The following PTPRO variants were observed in gnomAD, a reference collection of about 807,000 sequenced individuals.
PTPRO encodes receptor-type tyrosine-protein phosphatase O.
In PTPRO, 62 loss-of-function variants were observed where a neutral mutation model predicts 145.2. That is an observed-to-expected ratio of 0.43 (90% CI 0.35 to 0.53). The LOEUF (loss-of-function observed/expected upper bound fraction) is 0.53. Ranked by LOEUF, PTPRO falls within the 20% of genes least tolerant of loss-of-function variation. The probability of loss-of-function intolerance (pLI) is 0.01; values close to 1 mark genes in which losing one functional copy is unlikely to be tolerated. For synonymous variants in PTPRO, 565 were observed against 514.7 expected (o/e 1.10, Z -1.32); for missense variants, 1,345 against 1,482.7 (o/e 0.91, Z 1.53).
intron 1 of PTPRO, among the ~76,000 whole-genome samples, chr12:15,430,121 A>G (rs765006560): frequency 6.6e-6 from 1 of 152,100 alleles, no homozygotes; most frequent in Non-Finnish European, 1.5e-5. Flanking sequence ...ACACCGAGAA[A>G]ATAGCAAGCC....
intron 1 of PTPRO, among the ~76,000 whole-genome samples, chr12:15,390,120 T>A (rs1042545882): frequency 6.6e-6 from 1 of 152,160 alleles, no homozygotes; most frequent in Non-Finnish European, 1.5e-5. Context: ...GGGAGCCTTA[T>A]GAAATAAGTT....
chr12:15,581,624 C>A, intron 22 of PTPRO, 55 bp from the exon 23 acceptor site: 2 of 1,593,936 alleles, frequency 1.3e-6, no homozygotes, highest in Non-Finnish European at 1.7e-6. Context: ...AGTGAGCACA[C>A]TTAATTCCTT....
chr12:15,509,000 C>G (rs1942379638), intron 7 of PTPRO, among the ~76,000 whole-genome samples: 1 of 152,138 alleles, frequency 6.6e-6, no homozygotes, highest in Non-Finnish European at 1.5e-5. Flanking sequence ...ATTCATTATT[C>G]AAGGGAATTT....
At chr12:15,466,595 AGT>A (rs1360908235) in intron 1 of PTPRO, among the ~76,000 whole-genome samples, 3 of 152,218 alleles carry the variant, frequency 2.0e-5, no homozygotes, top group Non-Finnish European at 4.4e-5. Context: ...TTAAGCACAT[AGT>A]GTGTGTAACA....
intron 1 of PTPRO, among the ~76,000 whole-genome samples, chr12:15,402,452 GT>G (rs1939523696): frequency 6.6e-6 from 1 of 151,578 alleles, no homozygotes; most frequent in Non-Finnish European, 1.5e-5. Context: ...TGTAAAATCT[GT>G]TTGCTTCTGC....
intron 1 of PTPRO, among the ~76,000 whole-genome samples, chr12:15,435,005 C>A (rs1451540991): frequency 1.3e-5 from 2 of 152,178 alleles, no homozygotes; most frequent in African/African-American, 4.8e-5. Flanking sequence ...AACTCCTACC[C>A]TTCTCCTCTC....
intron 1 of PTPRO, among the ~76,000 whole-genome samples, chr12:15,412,217 C>A (rs1164126431): frequency 6.6e-6 from 1 of 152,226 alleles, no homozygotes; most frequent in Non-Finnish European, 1.5e-5. Flanking sequence ...GGCTACTCCT[C>A]CTTTTGAAAA....
At position 15,560,181 on chromosome 12, in the gene PTPRO, T is replaced by G. The variant is rs754782378; in HGVS notation, c.2628-12T>G. On this transcript the variant is annotated splice_polypyrimidine_tract_variant and intron_variant, in intron 16 of 26. Coordinates refer to ENST00000281171, the MANE Select transcript of PTPRO (RefSeq NM_030667.3). ...TTTCATCTTTCCATCTGTTGTCTAT[T>G]AATGCACACAGGCGTAGGAGTATAT... The G allele has an allele frequency of 1.0e-5, 16 of 1,554,684 alleles. No homozygotes were observed. The highest frequency in any genetic ancestry group is 1.2e-5 in the Non-Finnish European group (14 of 1,126,458).
chr12:15,581,990 C>T (rs901179685), intron 23 of PTPRO, among the ~76,000 whole-genome samples, 189 bp downstream of exon 23: 2 of 152,082 alleles, frequency 1.3e-5, no homozygotes, highest in Admixed American at 6.5e-5. Context: ...GAGATTTACC[C>T]ACATATTTAT....
rs1172566476 is a variant in PTPRO, at chr12:15,513,208, A to G, written c.1465-2290A>G. 1.8e-5 allele frequency among the ~76,000 whole-genome samples: 2 copies of G among 112,048 alleles called. 1 individual carries two copies. The highest frequency in any genetic ancestry group is 9.2e-5 in the African/African-American group (2 of 21,636). The allele number at this position is 112,048 out of a possible 152,430, so 73.5% of individuals were successfully genotyped here. On this transcript the variant is annotated intron_variant, in intron 7 of 26. Transcript: ENST00000281171. ...AAGAAAGAAAGAAAGAAAGAAAGAA[A>G]GAAAGAAAGAAAGAAAGAAAAGAAA... is the stretch of plus-strand genomic sequence containing the variant.
At chr12:15,462,958 T>A (rs1164021178) in intron 1 of PTPRO, among the ~76,000 whole-genome samples, 1 of 152,146 alleles carries the variant, frequency 6.6e-6, no homozygotes, top group Non-Finnish European at 1.5e-5. Context: ...CTTATTCCAA[T>A]GAAACAAAGA....
At chr12:15,332,143 T>C (rs1866631381) in intron 1 of PTPRO, among the ~76,000 whole-genome samples, 1 of 152,072 alleles carries the variant, frequency 6.6e-6, no homozygotes, top group Non-Finnish European at 1.5e-5. Flanking sequence ...TTTTTTGTAT[T>C]TTTAGTAGAG....
At chr12:15,584,573 A>G (rs1399565947) in intron 23 of PTPRO, among the ~76,000 whole-genome samples, 1 of 152,200 alleles carries the variant, frequency 6.6e-6, no homozygotes, top group African/African-American at 2.4e-5. Context: ...GGAATAAAAC[A>G]TTGAACAGTA....
At chr12:15,567,419 G>A (rs1419759595) in intron 18 of PTPRO, among the ~76,000 whole-genome samples, 1 of 150,658 alleles carries the variant, frequency 6.6e-6, no homozygotes, top group Non-Finnish European at 1.5e-5. Flanking sequence ...TGTCCTTTTG[G>A]TCTCTACTCC....
At chr12:15,476,832 A>ATT (rs1941665406) in intron 1 of PTPRO, among the ~76,000 whole-genome samples, 1 of 138,852 alleles carries the variant, frequency 7.2e-6, no homozygotes, top group South Asian at 2.5e-4. Flanking sequence ...AATGGCAATC[A>ATT]TTAAAAAGTC....
intron 1 of PTPRO, among the ~76,000 whole-genome samples, chr12:15,355,124 C>T (rs1937943545): frequency 6.6e-6 from 1 of 152,040 alleles, no homozygotes; most frequent in South Asian, 2.1e-4. Context: ...AAAGTAAGAC[C>T]ACTACGGCTC....
intron 15 of PTPRO, among the ~76,000 whole-genome samples, chr12:15,552,177 G>A (rs1034530995): frequency 6.6e-6 from 1 of 152,106 alleles, no homozygotes; most frequent in African/African-American, 2.4e-5. Flanking sequence ...CAGAGTTGCA[G>A]CCAGCTTAGT....
intron 1 of PTPRO, among the ~76,000 whole-genome samples, chr12:15,384,007 T>C (rs2136277778): frequency 6.6e-6 from 1 of 152,314 alleles, no homozygotes; most frequent in African/African-American, 2.4e-5. Flanking sequence ...TTGGGCATCT[T>C]ATTTCCACAC....
At chr12:15,548,961 T>C (rs1745837378) in intron 13 of PTPRO, 133 bp from the exon 14 acceptor site, 3 of 1,025,862 alleles carry the variant, frequency 2.9e-6, no homozygotes, top group Non-Finnish European at 4.4e-6. Context: ...AAGGAAACAT[T>C]TTTCAATGCT....
Sources: allele counts gnomAD v4.1 joint callset (sites outside exome capture counted in the v4.1 genomes callset), GRCh38; gene constraint gnomAD v4.1.1; transcripts MANE v1.5; gene names NCBI Gene and HGNC (gene_info 2026-07-23, HGNC 2026-07-21).